Variants in RANBP2 observed in about 807,000 individuals in gnomAD.
RANBP2 encodes E3 SUMO-protein ligase RanBP2.
RANBP2 carries 57 observed loss-of-function variants against 303.6 expected under a neutral mutation model. That is an observed-to-expected ratio of 0.19 (90% CI 0.15 to 0.23). The LOEUF (loss-of-function observed/expected upper bound fraction) is 0.23. Among genes scored for constraint, RANBP2 ranks in the 10% least tolerant of loss-of-function variants. The pLI, the probability that RANBP2 is intolerant of heterozygous loss-of-function variation, is 1.00. For synonymous variants in RANBP2, 1,167 were observed against 1,301.5 expected (o/e 0.90, Z 2.23); for missense variants, 3,138 against 3,780.8 (o/e 0.83, Z 4.46).
chr2:109,281,244 G>A, the RANBP2 span, among the ~76,000 whole-genome samples: 4 of 152,244 alleles, frequency 2.6e-5, no homozygotes, highest in African/African-American at 9.6e-5. Flanking sequence ...ACACTTAGGG[G>A]CACAAACACA....
the RANBP2 span, among the ~76,000 whole-genome samples, chr2:109,461,167 T>G: frequency 1.3e-5 from 2 of 152,210 alleles, no homozygotes; most frequent in African/African-American, 4.8e-5. Flanking sequence ...ACCCTTCCAT[T>G]TGGTCATGGA....
the RANBP2 span, among the ~76,000 whole-genome samples, chr2:109,555,849 A>T: frequency 6.6e-6 from 1 of 152,124 alleles, no homozygotes; most frequent in African/African-American, 2.4e-5. Flanking sequence ...CCTTTAAAAC[A>T]GTTTCTTGTA....
Position 108,719,528 on chromosome 2 carries a change from C to T in RANBP2, c.-79C>T. 3 of 1,550,022 alleles carry T rather than the reference C, an allele frequency of 1.9e-6. No homozygotes were observed. The highest frequency in any genetic ancestry group is 1.7e-6 in the Non-Finnish European group (2 of 1,147,870). ...CGGCGCTGCGTCACTGGTTTGCAGGCGCTTTCCTCTTGGAAGTGGCGACTG... is the reference window on the plus strand; with the variant it reads ...CGGCGCTGCGTCACTGGTTTGCAGGTGCTTTCCTCTTGGAAGTGGCGACTG... On this transcript the variant is annotated 5_prime_UTR_variant, in exon 1 of 29. Coordinates refer to ENST00000283195, the MANE Select transcript of RANBP2 (RefSeq NM_006267.5).
the RANBP2 span, among the ~76,000 whole-genome samples, chr2:109,220,764 T>C: frequency 6.6e-6 from 1 of 152,102 alleles, no homozygotes; most frequent in Admixed American, 6.5e-5. Context: ...AAGTAGAAGA[T>C]AATAAGGGTT....
chr2:109,705,603 T>C, the RANBP2 span, among the ~76,000 whole-genome samples: 1 of 152,192 alleles, frequency 6.6e-6, no homozygotes, highest in African/African-American at 2.4e-5. Flanking sequence ...TGAGGTTCCA[T>C]CCAGCTCAAG....
chr2:109,250,780 A>G, the RANBP2 span, among the ~76,000 whole-genome samples: 1 of 151,900 alleles, frequency 6.6e-6, no homozygotes, highest in Admixed American at 6.6e-5. Flanking sequence ...AGAAAAAAAA[A>G]GTGCTTCAAT....
At chr2:109,312,173 A>G in the RANBP2 span, among the ~76,000 whole-genome samples, 1 of 152,186 alleles carries the variant, frequency 6.6e-6, no homozygotes, top group African/African-American at 2.4e-5. Context: ...AAATCTTACA[A>G]AGTCTAATGA....
At chr2:108,947,792 G>A in the RANBP2 span, among the ~76,000 whole-genome samples, 1 of 152,188 alleles carries the variant, frequency 6.6e-6, no homozygotes, top group Non-Finnish European at 1.5e-5. Context: ...GGAGAGGCTG[G>A]TGTGAAGATC....
At chr2:109,466,439 T>A in the RANBP2 span, among the ~76,000 whole-genome samples, 1 of 152,156 alleles carries the variant, frequency 6.6e-6, no homozygotes, top group African/African-American at 2.4e-5. Context: ...AATTGGGTTG[T>A]TTGTTTTCTT....
At chr2:109,393,558 G>A in the RANBP2 span, among the ~76,000 whole-genome samples, 1 of 152,072 alleles carries the variant, frequency 6.6e-6, no homozygotes. Context: ...TTTCCGAATG[G>A]TGCATCCATG....
At chr2:109,313,050 G>A in the RANBP2 span, among the ~76,000 whole-genome samples, 47,458 of 152,080 alleles carry the variant, frequency 0.31, 9,183 homozygotes, top group African/African-American at 0.55. Flanking sequence ...AGAAGAGGCA[G>A]GAGACAGGGA....
At chr2:109,330,707 G>A in the RANBP2 span, among the ~76,000 whole-genome samples, 32 of 152,200 alleles carry the variant, frequency 2.1e-4, no homozygotes, top group South Asian at 5.2e-3. Flanking sequence ...GATACATGAC[G>A]GATGGATGAA....
At chr2:109,015,055 A>T in the RANBP2 span, among the ~76,000 whole-genome samples, 4 of 135,030 alleles carry the variant, frequency 3.0e-5, no homozygotes, top group African/African-American at 1.1e-4. Flanking sequence ...GGAAGTCAGA[A>T]GTTGCAGTAA....
At chr2:109,693,580 CTT>C in the RANBP2 span, among the ~76,000 whole-genome samples, 1 of 152,190 alleles carries the variant, frequency 6.6e-6, no homozygotes, top group Non-Finnish European at 1.5e-5. Context: ...TCACTTGACT[CTT>C]ATTTCTCTCT....
At position 108,753,033 on chromosome 2, in the gene RANBP2, A is replaced by T. The variant is rs778043488; in HGVS notation, c.1791A>T (p.Glu597Asp). Residue 597 changes from glutamate to aspartate, a missense_variant, in exon 13 of 29, where the codon GAA becomes GAT. By Grantham distance (45) the Glu-to-Asp change is conservative. Coordinates refer to ENST00000283195, the MANE Select transcript of RANBP2 (RefSeq NM_006267.5). ...TTAATTCTTTTTATGATCAACGAGA[A>T]TACATAGGGAGAAGTGTTCATTATT... The part of the protein sequence containing the change: ...SGLNSFYDQR[E>D]YIGRSVHYWK... 1 of 1,609,568 alleles carries T rather than the reference A, an allele frequency of 6.2e-7. No homozygotes were observed. The highest frequency in any genetic ancestry group is 1.1e-5 in the South Asian group (1 of 90,612).
chr2:108,768,495 G>C, intron 20 of RANBP2, 107 bp downstream of exon 20: 1 of 1,588,406 alleles, frequency 6.3e-7, no homozygotes, highest in South Asian at 1.1e-5. Context: ...ATGATGCTTT[G>C]TGAACACCCC....
the RANBP2 span, chr2:108,839,296 G>A: frequency 7.5e-5 from 121 of 1,609,266 alleles, no homozygotes; most frequent in Non-Finnish European, 9.9e-5. Context: ...AGATGCTGGA[G>A]CACAGGTAAT....
chr2:109,260,252 A>G, the RANBP2 span, among the ~76,000 whole-genome samples: 1 of 152,138 alleles, frequency 6.6e-6, no homozygotes, highest in African/African-American at 2.4e-5. Context: ...GTGGAAAACC[A>G]TGCAAACTGA....
chr2:108,952,074 G>C, the RANBP2 span, among the ~76,000 whole-genome samples: 1 of 152,188 alleles, frequency 6.6e-6, no homozygotes, highest in Non-Finnish European at 1.5e-5. Flanking sequence ...TTGTTTGTTT[G>C]ACGGAAGGTC....
Sources: allele counts gnomAD v4.1 joint callset (sites outside exome capture counted in the v4.1 genomes callset), GRCh38; gene constraint gnomAD v4.1.1; transcripts MANE v1.5; gene names NCBI Gene and HGNC (gene_info 2026-07-23, HGNC 2026-07-21).